The following PHF23 variants were observed in gnomAD, a reference collection of about 807,000 sequenced individuals.
The protein encoded by PHF23 is PHD finger protein 23.
PHF23 carries 3 observed loss-of-function variants against 36.0 expected under a neutral mutation model. The observed-to-expected ratio is 0.08, with a 90% CI of 0.04 to 0.22. PHF23 has a LOEUF of 0.22. Among genes scored for constraint, PHF23 ranks in the 10% least tolerant of loss-of-function variants. PHF23 has a pLI of 1.00. For synonymous variants in PHF23, 242 were observed against 192.5 expected, an observed-to-expected ratio of 1.26 and a Z score of -2.13; for missense variants, 475 against 513.6, an observed-to-expected ratio of 0.92 and a Z score of 0.73.
intron 1 of PHF23, chr17:7,238,953 C>A (rs1160160098): frequency 6.7e-7 from 1 of 1,495,902 alleles, no homozygotes; most frequent in East Asian, 2.5e-5. Context: ...CCTTCCAGTT[C>A]CAGGGCCCCA....
chr17:7,239,509 T>G (rs1346272581), upstream of PHF23: 1 of 425,126 alleles, frequency 2.4e-6, no homozygotes, highest in East Asian at 4.5e-5. Context: ...TCCCTCCTCC[T>G]CCTCCTCCAC....
rs754876919 is a variant in PHF23, at chr17:7,236,251, C to A, written c.676G>T (p.Ala226Ser). ...KKSKKRKLKK[A>S]ERGDRLPPPG... The stretch of plus-strand genomic sequence containing the variant: ...GGTGGGAGTCTATCCCCCCGTTCTG[C>A]CTTTTTTAACTTCCGCTTCTTGCTC... Residue 226 changes from alanine (A) to serine (S), a missense_variant, in exon 4 of 5, where the codon GCA becomes TCA. Physicochemically the swap from Ala to Ser is moderately conservative, Grantham distance 99. This residue lies in a region of PHF23 where 350 missense variants were observed against 319.8 expected (regional missense o/e 1.09). Transcript: ENST00000320316. The surrounding 1 kb of genome is among the most constrained non-coding windows in gnomAD (Gnocchi z 5.1). 7.1e-5 allele frequency: 115 copies of A among 1,613,546 alleles called. No homozygotes were observed. The highest frequency in any genetic ancestry group is 1.7e-4 in the Middle Eastern group (1 of 6,060).
intron 1 of PHF23, chr17:7,239,023 C>T (rs999821042): frequency 1.8e-5 from 26 of 1,420,346 alleles, no homozygotes; most frequent in East Asian, 1.3e-4. Context: ...AGCTCCTATC[C>T]CCCGCACCCC....
At chr17:7,240,798 G>A (rs11545075), upstream of PHF23, 3 of 1,189,452 alleles carry the variant, frequency 2.5e-6, no homozygotes, top group Non-Finnish European at 3.8e-6. Context: ...TCAAGAAAGG[G>A]GGGCCACCTC....
intron 3 of PHF23, 72 bp downstream of exon 3, chr17:7,237,313 G>A (rs2071688662): frequency 2.3e-6 from 3 of 1,305,022 alleles, no homozygotes; most frequent in East Asian, 4.6e-5. Context: ...AAGCAATACA[G>A]TTCTGTTTGA....
Position 7,236,493 on chromosome 17 carries a change from A to G in PHF23, c.434T>C (p.Val145Ala). Reference protein sequence around the residue: ...DSLFDLDGPKVASPLSPTSLT... With the variant: ...DSLFDLDGPKAASPLSPTSLT... ...GGATGTGGGGGACAAAGGAGATGCC[A>G]CTTTGGGCCCATCCAGATCAAAGAG... The change falls in exon 4 of 5, where the codon GTG becomes GCG. Residue 145 changes from valine (V) to alanine (A), a missense_variant. Physicochemically the swap from Val to Ala is moderately conservative, Grantham distance 64 (BLOSUM62 0). Coordinates refer to ENST00000320316, the MANE Select transcript of PHF23 (RefSeq NM_024297.3). This position sits in a 1 kb window ranked among gnomAD's most constrained non-coding sequence, Gnocchi z 5.1. 6.2e-7 allele frequency: 1 copy of G among 1,614,040 alleles called. No individual in the cohort carries two copies. The highest frequency in any genetic ancestry group is 8.5e-7 in the Non-Finnish European group (1 of 1,179,978).
chr17:7,236,514 AAG>A lies in PHF23; in HGVS notation c.411_412del (p.Phe138Ter). On this transcript the variant is annotated frameshift_variant, in exon 4 of 5. Transcript: ENST00000320316. LOFTEE classifies it high-confidence loss of function. The surrounding 1 kb of genome is among the most constrained non-coding windows in gnomAD (Gnocchi z 5.1). ...TGCCACTTTGGGCCCATCCAGATCA[AAG>A]AGAGAGTCCTTGAGCTTCATCTTCT... 1 of 1,614,162 alleles carries A rather than the reference AAG, an allele frequency of 6.2e-7. No homozygotes were observed. Among genetic ancestry groups the A allele is most frequent in the Non-Finnish European group, 8.5e-7 (1 of 1,180,016 alleles).
At chr17:7,238,906 C>A in intron 1 of PHF23, 1 of 1,530,914 alleles carries the variant, frequency 6.5e-7, no homozygotes, top group South Asian at 1.2e-5. Context: ...CTACGTCCTC[C>A]CTCCTGAGCA....
At position 7,238,788 on chromosome 17, in the gene PHF23, C is replaced by A. The variant is rs753315496; in HGVS notation, c.34+458G>T. On this transcript the variant is annotated intron_variant, in intron 1 of 4. Coordinates refer to ENST00000320316, the MANE Select transcript of PHF23 (RefSeq NM_024297.3). ...TCTCCCCACAACTACCTGCCCACCT[C>A]TCCGACAATCACCGGGCATTCTCCG... is the stretch of plus-strand genomic sequence containing the variant. The A allele has an allele frequency of 1.2e-5, 19 of 1,534,610 alleles. No homozygotes were observed. In the East Asian group the frequency reaches 3.7e-4, roughly 30 times the overall value.
chr17:7,237,940 A>G, intron 1 of PHF23: 1 of 415,792 alleles, frequency 2.4e-6, no homozygotes, highest in Non-Finnish European at 4.1e-6. Context: ...TCTCGACTCC[A>G]GTCTACTCGG....
Position 7,236,591 on chromosome 17 carries a change from T to C in PHF23, c.336A>G (p.Pro112=). 2 of 1,614,136 alleles carry C rather than the reference T, an allele frequency of 1.2e-6. No homozygotes were observed. Among genetic ancestry groups the C allele is most frequent in the South Asian group, 2.2e-5 (2 of 91,080 alleles). ...AQAGPTQPGP[P]RSTFSRLQAP... ...CCTGCAGACGAGAGAAAGTGGACCT[T>C]GGGGGTCCTGGCTGGGTGGGACCTG... The change falls in exon 4 of 5, where the codon CCA becomes CCG. Residue 112 remains proline (P), a synonymous_variant. Transcript: ENST00000320316. This position sits in a 1 kb window ranked among gnomAD's most constrained non-coding sequence, Gnocchi z 5.1.
Position 7,236,261 on chromosome 17 carries a change from C to T in PHF23, c.666G>A (p.Lys222=), listed in dbSNP as rs2071661941. 1.2e-6 allele frequency: 2 copies of T among 1,613,504 alleles called. No individual in the cohort carries two copies. Among genetic ancestry groups the T allele is most frequent in the Non-Finnish European group, 8.5e-7 (1 of 1,179,670 alleles). ...TATCCCCCCGTTCTGCCTTTTTTAA[C>T]TTCCGCTTCTTGCTCTTCTTGATTC... ...RSRIKKSKKR[K]LKKAERGDRL... Residue 222 remains lysine (K), a synonymous_variant, in exon 4 of 5, where the codon AAG becomes AAA. Coordinates refer to ENST00000320316, the MANE Select transcript of PHF23 (RefSeq NM_024297.3). This position sits in a 1 kb window ranked among gnomAD's most constrained non-coding sequence, Gnocchi z 5.1.
chr17:7,235,661 G>A lies in PHF23; in HGVS notation c.1177C>T (p.Arg393Trp), dbSNP rs936564918. Residue 393 changes from arginine (R) to tryptophan (W), a missense_variant, in exon 5 of 5, where the codon CGG (arginine) becomes TGG (tryptophan). This residue lies in a region of PHF23 where 28 missense variants were observed against 24.6 expected (regional missense o/e 1.14). Transcript: ENST00000320316. ...CCAGATTTGGGAGGCCCCCCTAACC[G>A]CCGGGCCTCTGGCCTCAGTTCCTTG... ...KCKELRPEAR[R>W]LGGPPKSGEP 4 of 1,613,862 alleles carry A rather than the reference G, an allele frequency of 2.5e-6. No individual in the cohort carries two copies. Among genetic ancestry groups the A allele is most frequent in the Admixed American group, 1.7e-5 (1 of 60,008 alleles).
rs753311155 is a variant in PHF23, at chr17:7,236,129, T to C, written c.798A>G (p.Val266=). Residue 266 remains valine (V), a synonymous_variant, in exon 4 of 5, where the codon GTA becomes GTG. Coordinates refer to ENST00000320316, the MANE Select transcript of PHF23 (RefSeq NM_024297.3). This position sits in a 1 kb window ranked among gnomAD's most constrained non-coding sequence, Gnocchi z 5.1. ...EEEEEEMATV[V]GGEAPVPVLP... ...GCACAGGGACTGGGGCTTCACCCCC[T>C]ACCACTGTTGCCATCTCTTCTTCTT... 6.2e-7 allele frequency: 1 copy of C among 1,611,350 alleles called. No individual in the cohort carries two copies. The highest frequency in any genetic ancestry group is 1.1e-5 in the South Asian group (1 of 90,670).
At chr17:7,240,621 G>A (rs554810926), upstream of PHF23, 434 of 513,744 alleles carry the variant, frequency 8.4e-4, 3 homozygotes, top group South Asian at 9.5e-3. Flanking sequence ...GTCTACAGCA[G>A]GATGGGAAAG....
At chr17:7,237,791 C>G (rs1025871568) in intron 1 of PHF23, 131 bp from the exon 2 acceptor site, 1 of 1,101,602 alleles carries the variant, frequency 9.1e-7, no homozygotes, top group Non-Finnish European at 1.3e-6. Context: ...AGGCCCCCAG[C>G]TGTGTTGGAT....
upstream of PHF23, chr17:7,239,527 C>T (rs947212438): frequency 2.4e-6 from 1 of 422,960 alleles, no homozygotes; most frequent in Non-Finnish European, 4.3e-6. Flanking sequence ...CACCTCCTCT[C>T]TCCTCCCTCC....
chr17:7,239,689 G>A (rs887207826), upstream of PHF23: 13 of 154,348 alleles, frequency 8.4e-5, 1 homozygote, highest in South Asian at 2.3e-3. Flanking sequence ...GCACCAAGCC[G>A]CTCCCCTCCC....
chr17:7,240,647 G>A, upstream of PHF23: 1 of 545,650 alleles, frequency 1.8e-6, no homozygotes, highest in Non-Finnish European at 3.3e-6. Flanking sequence ...CAGAGAAAGG[G>A]GAAGAAAGGA....
Sources: gnomAD v4.1 joint callset for allele counts on GRCh38, gnomAD v4.1.1 for gene constraint, gnomAD v4.1.1 regional missense constraint, Gnocchi (gnomAD v3.1) non-coding constraint, MANE v1.5 for transcripts, NCBI Gene and HGNC (gene_info 2026-07-23, HGNC 2026-07-21) for gene names.